Variants in GRID1 observed in about 807,000 individuals in gnomAD.
The protein encoded by GRID1 is glutamate receptor ionotropic, delta-1.
Under a neutral mutation model 98.0 loss-of-function variants are expected in GRID1, and 28 were observed. The observed-to-expected ratio is 0.29, with a 90% CI of 0.21 to 0.39. GRID1 has a LOEUF of 0.39. GRID1 is among the 10% of genes least tolerant of loss of function. The pLI is 1.00. For missense variants in GRID1, 1,111 were observed against 1,340.5 expected, an observed-to-expected ratio of 0.83 and a Z score of 2.67; for synonymous variants, 553 against 538.5, an observed-to-expected ratio of 1.03 and a Z score of -0.37.
Position 86,123,824 on chromosome 10 carries a change from T to C in GRID1, c.726+14995A>G, listed in dbSNP as rs1397156289. On this transcript the variant is annotated intron_variant, in intron 4 of 15. Transcript: ENST00000327946. ...AATGTGCAAAGCTCTTTAGGCTGAT[T>C]GCTTGCTCCTCACAGGAAGCTGCCA... Among the ~76,000 whole-genome samples, 23 of 152,194 alleles carry C rather than the reference T, an allele frequency of 1.5e-4. 1 individual carries two copies. Among genetic ancestry groups the C allele is most frequent in the Admixed American group, 1.4e-3 (22 of 15,284 alleles).
At chr10:85,692,420 G>A (rs11201731) in intron 12 of GRID1, among the ~76,000 whole-genome samples, 18,565 of 152,104 alleles carry the variant, frequency 0.12, 1,301 homozygotes, top group Middle Eastern at 0.23. Flanking sequence ...CCAGCACTTT[G>A]GGAGGCTGAG....
intron 5 of GRID1, among the ~76,000 whole-genome samples, chr10:85,909,147 A>G (rs896480575): frequency 4.6e-5 from 7 of 152,228 alleles, no homozygotes; most frequent in Non-Finnish European, 1.5e-5. Flanking sequence ...CTTTGCCAAG[A>G]AGATACCTAG....
intron 4 of GRID1, among the ~76,000 whole-genome samples, chr10:86,047,275 T>A (rs1252730992): frequency 6.6e-6 from 1 of 152,188 alleles, no homozygotes; most frequent in Non-Finnish European, 1.5e-5. Context: ...CAGGCAGAAC[T>A]GTAATCCACA....
intron 4 of GRID1, among the ~76,000 whole-genome samples, chr10:85,937,661 C>T (rs1841944855): frequency 6.6e-6 from 1 of 152,212 alleles, no homozygotes; most frequent in African/African-American, 2.4e-5. Context: ...AACCCCATAG[C>T]TTTTAGCCAG....
At chr10:85,770,904 G>A (rs528312341) in intron 8 of GRID1, among the ~76,000 whole-genome samples, 1 of 152,316 alleles carries the variant, frequency 6.6e-6, no homozygotes, top group East Asian at 1.9e-4. Flanking sequence ...ACACTCTGCA[G>A]GGTATTATCC....
chr10:86,255,471 G>A (rs1846902980), intron 2 of GRID1, among the ~76,000 whole-genome samples: 1 of 152,194 alleles, frequency 6.6e-6, no homozygotes, highest in African/African-American at 2.4e-5. Context: ...CCCTCAGGAG[G>A]CCCTCCCTGT....
chr10:86,305,249 A>G (rs939051085), intron 2 of GRID1, among the ~76,000 whole-genome samples: 4 of 152,122 alleles, frequency 2.6e-5, no homozygotes, highest in Non-Finnish European at 5.9e-5. Context: ...GCCTACACTC[A>G]TGTAAGCTAA....
At chr10:85,819,856 G>C (rs1304522239) in intron 8 of GRID1, among the ~76,000 whole-genome samples, 1 of 151,924 alleles carries the variant, frequency 6.6e-6, no homozygotes, top group African/African-American at 2.4e-5. Context: ...GAAGGTTGCA[G>C]TGAGCCAAGA....
rs79177885 is a variant in GRID1, at chr10:85,669,182, C to T, written c.1998-21785G>A. ...TAACCATTACCCAAATGCAGGGCAC[C>T]GTCTTCTCTGTTGATTCCACCAAGC... On this transcript the variant is annotated intron_variant, in intron 12 of 15. Transcript: ENST00000327946. Among the ~76,000 whole-genome samples, 645 of 152,278 alleles carry T rather than the reference C, an allele frequency of 4.2e-3. 4 individuals carry two copies. The highest frequency in any genetic ancestry group is 0.015 in the African/African-American group (616 of 41,550).
intron 3 of GRID1, among the ~76,000 whole-genome samples, chr10:86,171,149 G>A (rs995327078): frequency 6.6e-6 from 1 of 152,194 alleles, no homozygotes; most frequent in Admixed American, 6.5e-5. Flanking sequence ...AACTTCCCAA[G>A]GGATCCCAAG....
chr10:86,040,074 A>G (rs564609960), intron 4 of GRID1, among the ~76,000 whole-genome samples: 12 of 152,280 alleles, frequency 7.9e-5, no homozygotes, highest in Non-Finnish European at 1.2e-4. Context: ...TAGGGCATCC[A>G]CTGTTGTGGG....
chr10:85,901,555 T>C (rs1351474644), intron 5 of GRID1, among the ~76,000 whole-genome samples: 1 of 152,222 alleles, frequency 6.6e-6, no homozygotes, highest in African/African-American at 2.4e-5. Flanking sequence ...TGCCTGACAC[T>C]GTGTTAGGCC....
chr10:86,258,482 A>T (rs185173281), intron 2 of GRID1, among the ~76,000 whole-genome samples: 96 of 152,290 alleles, frequency 6.3e-4, no homozygotes, highest in Admixed American at 1.4e-3. Context: ...TTTTCCTCTC[A>T]CACTTTTTTT....
At chr10:85,618,402 G>A (rs1431667415) in intron 14 of GRID1, among the ~76,000 whole-genome samples, 1 of 152,128 alleles carries the variant, frequency 6.6e-6, no homozygotes, top group Non-Finnish European at 1.5e-5. Context: ...AAACCAACTG[G>A]TGCGAACCTC....
chr10:85,989,032 G>A (rs1842645815), intron 4 of GRID1, among the ~76,000 whole-genome samples: 1 of 152,178 alleles, frequency 6.6e-6, no homozygotes, highest in African/African-American at 2.4e-5. Flanking sequence ...GAAGAAACAG[G>A]AGAGGCGGAT....
At chr10:85,926,968 A>G (rs1355428464) in intron 4 of GRID1, among the ~76,000 whole-genome samples, 1 of 152,182 alleles carries the variant, frequency 6.6e-6, no homozygotes, top group Admixed American at 6.5e-5. Context: ...TTTATCAATC[A>G]CTATTTCTCT....
At chr10:86,177,699 G>C (rs1845595762) in intron 3 of GRID1, among the ~76,000 whole-genome samples, 1 of 152,136 alleles carries the variant, frequency 6.6e-6, no homozygotes, top group Non-Finnish European at 1.5e-5. Flanking sequence ...GAAAGAGACA[G>C]AGGCAGAGAG....
At chr10:86,050,882 CA>C (rs1319552699) in intron 4 of GRID1, among the ~76,000 whole-genome samples, 1 of 144,246 alleles carries the variant, frequency 6.9e-6, no homozygotes, top group Non-Finnish European at 1.5e-5. Flanking sequence ...TCACAAGAAC[CA>C]GGAAAAAAAG....
intron 6 of GRID1, among the ~76,000 whole-genome samples, chr10:85,863,188 G>A (rs964799822): frequency 2.6e-5 from 4 of 152,198 alleles, no homozygotes; most frequent in African/African-American, 9.7e-5. Flanking sequence ...TCTGAAGCCT[G>A]GCAAGTACAA....
Sources: gnomAD v4.1 joint callset for allele counts (sites outside exome capture counted in the v4.1 genomes callset) on GRCh38, gnomAD v4.1.1 for gene constraint, MANE v1.5 for transcripts, NCBI Gene and HGNC (gene_info 2026-07-23, HGNC 2026-07-21) for gene names.